FHIT: variants seen among roughly 807,000 people sequenced by gnomAD.
The protein encoded by FHIT is bis(5'-adenosyl)-triphosphatase.
FHIT carries 19 observed loss-of-function variants against 17.9 expected under a neutral mutation model. That is an observed-to-expected ratio of 1.06 (90% CI 0.74 to 1.56). FHIT has a LOEUF of 1.56. Among genes scored for constraint, FHIT ranks in the 40% most tolerant of loss-of-function variants. The probability of loss-of-function intolerance (pLI) is 0.00; values close to 1 mark genes in which losing one functional copy is unlikely to be tolerated. For missense variants in FHIT, 248 were observed against 189.2 expected (o/e 1.31, Z -1.82); for synonymous variants, 81 against 69.7 (o/e 1.16, Z -0.81).
intron 5 of FHIT, among the ~76,000 whole-genome samples, chr3:60,057,781 G>T (rs1394000438): frequency 6.6e-6 from 1 of 151,260 alleles, no homozygotes; most frequent in Non-Finnish European, 1.5e-5. Flanking sequence ...TCTCAGGATT[G>T]CTTCCTTGCC....
intron 1 of FHIT, among the ~76,000 whole-genome samples, chr3:61,246,472 C>T (rs1435467676): frequency 6.6e-6 from 1 of 152,150 alleles, no homozygotes; most frequent in East Asian, 1.9e-4. Flanking sequence ...CCAACAATTT[C>T]ATTTCCCCAT....
intron 1 of FHIT, among the ~76,000 whole-genome samples, chr3:61,227,826 G>T (rs1342105266): frequency 6.6e-6 from 1 of 152,106 alleles, no homozygotes; most frequent in East Asian, 1.9e-4. Context: ...CGAGTGTGAT[G>T]TTCGGATTAT....
At chr3:59,912,504 A>G (rs1044698763) in intron 8 of FHIT, among the ~76,000 whole-genome samples, 1 of 152,188 alleles carries the variant, frequency 6.6e-6, no homozygotes, top group Admixed American at 6.5e-5. Flanking sequence ...ATAACTCTGA[A>G]GAGCTTACTA....
At chr3:60,421,031 T>C (rs1310642947) in intron 5 of FHIT, among the ~76,000 whole-genome samples, 13 of 25,374 alleles carry the variant, frequency 5.1e-4, no homozygotes, top group Non-Finnish European at 1.6e-3. Flanking sequence ...CTCCCACTAC[T>C]TTTTTTTTTT....
At chr3:60,584,781 T>C (rs1345562372) in intron 4 of FHIT, among the ~76,000 whole-genome samples, 1 of 152,040 alleles carries the variant, frequency 6.6e-6, no homozygotes, top group Non-Finnish European at 1.5e-5. Context: ...CATGAGCCTA[T>C]TCCCTTTTTT....
chr3:60,931,544 G>T (rs1707955996), intron 3 of FHIT, among the ~76,000 whole-genome samples: 1 of 152,124 alleles, frequency 6.6e-6, no homozygotes, highest in Non-Finnish European at 1.5e-5. Context: ...TCTGTGTTAA[G>T]CAAAGGAAAA....
chr3:61,112,265 T>A (rs1424282364), intron 2 of FHIT, among the ~76,000 whole-genome samples: 1 of 138,750 alleles, frequency 7.2e-6, no homozygotes, highest in African/African-American at 3.0e-5. Context: ...TGCCTTAATT[T>A]TTTTTTTTTT....
intron 8 of FHIT, among the ~76,000 whole-genome samples, chr3:59,893,795 T>C (rs1703953434): frequency 6.6e-6 from 1 of 152,212 alleles, no homozygotes; most frequent in Admixed American, 6.5e-5. Flanking sequence ...CTCAGAGGAA[T>C]TCAGTGCCTA....
At chr3:60,287,440 A>T (rs1442277738) in intron 5 of FHIT, among the ~76,000 whole-genome samples, 1 of 152,200 alleles carries the variant, frequency 6.6e-6, no homozygotes, top group Non-Finnish European at 1.5e-5. Context: ...AAGTGCTGGG[A>T]TTACAGGCAT....
intron 3 of FHIT, among the ~76,000 whole-genome samples, chr3:60,827,408 G>A (rs1050379342): frequency 2.6e-5 from 4 of 152,164 alleles, no homozygotes; most frequent in Non-Finnish European, 4.4e-5. Context: ...CCTTTTGTAC[G>A]TGTCATCCTA....
chr3:60,200,692 T>C (rs1473742213), intron 5 of FHIT, among the ~76,000 whole-genome samples: 3 of 150,908 alleles, frequency 2.0e-5, no homozygotes, highest in Admixed American at 6.6e-5. Context: ...AAGGCTGTCA[T>C]TGAACTTTTA....
intron 8 of FHIT, among the ~76,000 whole-genome samples, chr3:59,865,687 A>G (rs609891): frequency 0.55 from 83,178 of 152,100 alleles, 24,132 homozygotes; most frequent in African/African-American, 0.75. Flanking sequence ...CTCTGCAAAG[A>G]AGAGTAACCA....
In FHIT at chr3:60,816,250, G is replaced by C. The variant is rs571696495; in HGVS notation, c.-18+5669C>G. Among the ~76,000 whole-genome samples, 9 of 152,112 alleles carry C rather than the reference G, an allele frequency of 5.9e-5. No homozygotes were observed. The South Asian group carries it at 8.3e-4, about 14-fold the overall frequency. On this transcript the variant is annotated intron_variant, in intron 4 of 9. Coordinates refer to ENST00000492590, the MANE Select transcript of FHIT (RefSeq NM_002012.4). ...TTTTATTTCTTTCTCTTGCCTGATT[G>C]CTGTGGCTAGCACTTCCAGTACTAT...
At chr3:60,124,001 TATATATATAGAGAGAGAGAG>T (rs1705399088) in intron 5 of FHIT, among the ~76,000 whole-genome samples, 1 of 27,958 alleles carries the variant, frequency 3.6e-5, no homozygotes, top group South Asian at 1.5e-3. Context: ...TATATATATA[TATATATATAGAGAGAGAGAG>T]AGAGAGAGAG....
intron 5 of FHIT, among the ~76,000 whole-genome samples, chr3:60,441,153 TA>T (rs942980571): frequency 2.0e-5 from 3 of 151,596 alleles, no homozygotes; most frequent in African/African-American, 7.3e-5. Flanking sequence ...GAAAAGAATT[TA>T]AAAAAAAGGC....
intron 2 of FHIT, among the ~76,000 whole-genome samples, chr3:61,092,525 T>G (rs1032324023): frequency 1.3e-5 from 2 of 152,038 alleles, no homozygotes; most frequent in African/African-American, 4.8e-5. Flanking sequence ...ATATACTGCT[T>G]GCTGACAATA....
intron 8 of FHIT, among the ~76,000 whole-genome samples, chr3:59,899,245 C>CA (rs1704214099): frequency 6.6e-6 from 1 of 152,180 alleles, no homozygotes; most frequent in African/African-American, 2.4e-5. Flanking sequence ...TGATGTAGGT[C>CA]AAACACTGAA....
chr3:61,032,734 G>C (rs1322940725), intron 3 of FHIT, among the ~76,000 whole-genome samples: 4 of 152,220 alleles, frequency 2.6e-5, no homozygotes, highest in Admixed American at 2.6e-4. Context: ...TATTAGCCAG[G>C]CTTCTCCAGA....
At chr3:60,712,068 T>G (rs1483710313) in intron 4 of FHIT, among the ~76,000 whole-genome samples, 80 of 152,330 alleles carry the variant, frequency 5.3e-4, no homozygotes, top group African/African-American at 1.9e-3. Context: ...GACTAACAGC[T>G]GATCTCTCGG....
Sources: gnomAD v4.1 joint callset for allele counts (sites outside exome capture counted in the v4.1 genomes callset) on GRCh38, gnomAD v4.1.1 for gene constraint, MANE v1.5 for transcripts, NCBI Gene and HGNC (gene_info 2026-07-23, HGNC 2026-07-21) for gene names.